The following PLD1 variants were observed in gnomAD, a reference collection of about 807,000 sequenced individuals.
PLD1 encodes the protein choline phosphatase 1.
A neutral mutation model predicts 137.1 loss-of-function variants in PLD1; 112 were observed. The ratio of observed to expected loss-of-function variants is 0.82; its 90% CI spans 0.70 to 0.96. The LOEUF (loss-of-function observed/expected upper bound fraction) is 0.96, where lower values mean the gene tolerates loss of function less well. Among genes scored for constraint, PLD1 ranks in the 40% least tolerant of loss-of-function variants. The probability of loss-of-function intolerance (pLI) is 0.00; values close to 1 mark genes in which losing one functional copy is unlikely to be tolerated. For synonymous variants in PLD1, 431 were observed against 454.7 expected, an observed-to-expected ratio of 0.95 and a Z score of 0.66; for missense variants, 1,321 against 1,342.0, an observed-to-expected ratio of 0.98 and a Z score of 0.24.
intron 1 of PLD1, among the ~76,000 whole-genome samples, chr3:171,749,999 T>C (rs900635626): frequency 6.6e-6 from 1 of 152,180 alleles, no homozygotes; most frequent in Non-Finnish European, 1.5e-5. Flanking sequence ...ATCCCAACTC[T>C]GGAAAGAAGT....
Position 171,628,898 on chromosome 3 carries a change from C to G in PLD1, c.2594-8378G>C, listed in dbSNP as rs376517116. Among the ~76,000 whole-genome samples the G allele has an allele frequency of 3.4e-4, 52 of 151,440 alleles. No homozygotes were observed. In the East Asian group the frequency reaches 9.1e-3, roughly 26 times the overall value. On this transcript the variant is annotated intron_variant, in intron 23 of 26. Transcript: ENST00000351298. ...GAGCTATCTATGACAAACCCACAGC[C>G]AATATCATACTGAATGGGCAAAAAC...
intron 13 of PLD1, among the ~76,000 whole-genome samples, chr3:171,691,185 C>T (rs1238328895): frequency 6.6e-6 from 1 of 152,050 alleles, no homozygotes; most frequent in African/African-American, 2.4e-5. Flanking sequence ...TCATTTTCAA[C>T]CTATTTGTGT....
chr3:171,750,202 T>C (rs919927474), intron 1 of PLD1, among the ~76,000 whole-genome samples: 1 of 152,212 alleles, frequency 6.6e-6, no homozygotes, highest in African/African-American at 2.4e-5. Context: ...AATATGGTTT[T>C]AGTGAACGAA....
chr3:171,771,940 CA>C (rs1722375042), intron 1 of PLD1, among the ~76,000 whole-genome samples: 1 of 152,200 alleles, frequency 6.6e-6, no homozygotes, highest in Admixed American at 6.5e-5. Context: ...TCAGTTTCAC[CA>C]CCTACATTTA....
chr3:171,746,910 C>T (rs368524299), intron 1 of PLD1, among the ~76,000 whole-genome samples: 1 of 152,222 alleles, frequency 6.6e-6, no homozygotes, highest in African/African-American at 2.4e-5. Flanking sequence ...TTGCTCTTTG[C>T]AATAAATCTT....
At chr3:171,695,321 G>A (rs1715583757) in intron 12 of PLD1, among the ~76,000 whole-genome samples, 1 of 152,124 alleles carries the variant, frequency 6.6e-6, no homozygotes, top group Admixed American at 6.5e-5. Flanking sequence ...ATACCCTTGG[G>A]GAAATTACTT....
intron 8 of PLD1, among the ~76,000 whole-genome samples, chr3:171,724,121 T>C (rs1718336376): frequency 6.6e-6 from 1 of 152,248 alleles, no homozygotes; most frequent in South Asian, 2.1e-4. Context: ...AGTTCTATTG[T>C]AGACATATTT....
rs530248907 is a variant in PLD1 at position 171,660,594 on chromosome 3, A to G, written c.2341-1293T>C. On this transcript the variant is annotated intron_variant, in intron 20 of 26. Transcript: ENST00000351298. ...GTCACATTAAAAAGAAAAGCTGATT[A>G]TTTTATTTTTTATTTTTTTTATTTT... Among the ~76,000 whole-genome samples, 4 of 151,346 alleles carry G rather than the reference A, an allele frequency of 2.6e-5. No homozygotes were observed. The South Asian group carries it at 8.3e-4, about 31-fold the overall frequency.
At chr3:171,650,830 G>A (rs543031408) in intron 21 of PLD1, among the ~76,000 whole-genome samples, 6 of 152,146 alleles carry the variant, frequency 3.9e-5, no homozygotes, top group Admixed American at 6.5e-5. Context: ...CCCGGGAGGC[G>A]GAGCTTGGCA....
intron 11 of PLD1, among the ~76,000 whole-genome samples, chr3:171,704,458 G>GAAAA (rs34861885): frequency 6.3e-5 from 6 of 95,246 alleles, no homozygotes; most frequent in East Asian, 3.7e-4. Context: ...AAAGAACCAG[G>GAAAA]AAAAAAAAAA....
At chr3:171,784,607 G>A (rs1337906601) in intron 1 of PLD1, among the ~76,000 whole-genome samples, 1 of 152,134 alleles carries the variant, frequency 6.6e-6, no homozygotes, top group Non-Finnish European at 1.5e-5. Flanking sequence ...TCATCTCTGA[G>A]CTTTTCCTCT....
At chr3:171,807,492 A>C (rs1183500033) in intron 1 of PLD1, among the ~76,000 whole-genome samples, 5 of 152,234 alleles carry the variant, frequency 3.3e-5, no homozygotes, top group African/African-American at 1.2e-4. Flanking sequence ...ATGCCACTAC[A>C]TGTACACTTA....
At chr3:171,756,985 T>A (rs1334248627) in intron 1 of PLD1, among the ~76,000 whole-genome samples, 1 of 152,072 alleles carries the variant, frequency 6.6e-6, no homozygotes, top group Non-Finnish European at 1.5e-5. Flanking sequence ...GTTGTAAAAA[T>A]CAATCAATAT....
chr3:171,607,962 G>A (rs1560139430), intron 25 of PLD1, among the ~76,000 whole-genome samples: 1 of 151,988 alleles, frequency 6.6e-6, no homozygotes, highest in African/African-American at 2.4e-5. Context: ...TTTTTTAAGT[G>A]AAAAAAATGG....
Position 171,782,933 on chromosome 3 carries a change from G to A in PLD1, c.-32+27466C>T, listed in dbSNP as rs186987669. Among the ~76,000 whole-genome samples the A allele has an allele frequency of 3.6e-4, 55 of 152,276 alleles. No individual in the cohort carries two copies. In the East Asian group the frequency reaches 4.1e-3, roughly 11 times the overall value. On this transcript the variant is annotated intron_variant, in intron 1 of 26. Coordinates refer to ENST00000351298, the MANE Select transcript of PLD1 (RefSeq NM_002662.5). ...CTGAACAGGCAAGAGCAACAGATGG[G>A]GTCCACTGGGGTGCAATGGATGTCA... is the stretch of plus-strand genomic sequence containing the variant.
intron 23 of PLD1, among the ~76,000 whole-genome samples, chr3:171,637,831 G>A (rs182246124): frequency 3.9e-4 from 60 of 152,204 alleles, no homozygotes; most frequent in African/African-American, 1.3e-3. Context: ...GCAAGTATTT[G>A]TGAATCTAAG....
intron 12 of PLD1, among the ~76,000 whole-genome samples, chr3:171,696,902 G>C (rs567504072): frequency 6.6e-6 from 1 of 152,310 alleles, no homozygotes; most frequent in South Asian, 2.1e-4. Flanking sequence ...TGGAAATGAA[G>C]CACTGTTATC....
rs943750734 is a variant in PLD1, at chr3:171,676,659, C to G, written c.2115+56G>C. On this transcript the variant is annotated intron_variant, in intron 18 of 26. Coordinates refer to ENST00000351298, the MANE Select transcript of PLD1 (RefSeq NM_002662.5). ...TACCAGCCTCCTCTAAACCTCTTCT[C>G]TAGTTAGGCCTGCCTCTCTTCATGT... The G allele has an allele frequency of 4.5e-6, 6 of 1,333,514 alleles. No individual in the cohort carries two copies. In the Admixed American group the frequency reaches 8.5e-5, roughly 19 times the overall value. The allele number at this position is 1,333,514 out of a possible 1,614,324, so 82.6% of individuals were successfully genotyped here.
intron 21 of PLD1, among the ~76,000 whole-genome samples, chr3:171,655,557 C>T (rs537114187): frequency 6.6e-6 from 1 of 152,126 alleles, no homozygotes; most frequent in South Asian, 2.1e-4. Flanking sequence ...CAGGTGGTCT[C>T]AAATTTCTAG....
Sources: gnomAD v4.1 joint callset for allele counts (sites outside exome capture counted in the v4.1 genomes callset) on GRCh38, gnomAD v4.1.1 for gene constraint, MANE v1.5 for transcripts, NCBI Gene and HGNC (gene_info 2026-07-23, HGNC 2026-07-21) for gene names.